The following CLCC1 variants were observed in gnomAD, a reference collection of about 807,000 sequenced individuals.
CLCC1 encodes chloride channel CLIC like 1, also known as chloride channel CLIC-like protein 1.
CLCC1 carries 39 observed loss-of-function variants against 63.3 expected under a neutral mutation model. That is an observed-to-expected ratio of 0.62 (90% CI 0.48 to 0.81). CLCC1 has a LOEUF of 0.81. Ranked by LOEUF, CLCC1 falls within the 30% of genes least tolerant of loss-of-function variation. CLCC1 has a pLI of 0.00. For missense variants in CLCC1, 549 were observed against 669.4 expected (o/e 0.82, Z 1.98); for synonymous variants, 217 against 239.8 (o/e 0.90, Z 0.88).
chr1:108,935,092 A>ATGTT (rs1652691214), intron 11 of CLCC1, 150 bp from the exon 12 acceptor site: 1 of 743,588 alleles, frequency 1.3e-6, no homozygotes, highest in African/African-American at 1.8e-5. Flanking sequence ...AATTATATAA[A>ATGTT]TGTTATTATA....
intron 11 of CLCC1, among the ~76,000 whole-genome samples, chr1:108,935,631 T>A (rs1484156791): frequency 2.0e-5 from 3 of 152,066 alleles, no homozygotes; most frequent in African/African-American, 7.2e-5. Context: ...CCAGGCATGG[T>A]CGTATATGCC....
intron 12 of CLCC1, chr1:108,934,246 A>G: frequency 5.9e-6 from 1 of 170,934 alleles, no homozygotes; most frequent in South Asian, 1.5e-4. Context: ...CTGCATGAAG[A>G]TGCTGGAGGC....
At chr1:108,936,162 G>C (rs1056710345) in intron 11 of CLCC1, among the ~76,000 whole-genome samples, 1 of 137,528 alleles carries the variant, frequency 7.3e-6, no homozygotes, top group Non-Finnish European at 1.5e-5. Context: ...GCACGATCTC[G>C]GCTCACTGCA....
intron 3 of CLCC1, 33 bp from the exon 4 acceptor site, chr1:108,949,954 T>C (rs2101682936): frequency 7.6e-7 from 1 of 1,311,316 alleles, no homozygotes; most frequent in South Asian, 1.3e-5. Flanking sequence ...TTTATTTCTT[T>C]ATAGTTTAGT....
chr1:108,943,193 C>T (rs1654072282), intron 7 of CLCC1, among the ~76,000 whole-genome samples: 1 of 152,202 alleles, frequency 6.6e-6, no homozygotes, highest in African/African-American at 2.4e-5. Context: ...CAGGCATGAG[C>T]CACCACACCC....
At position 108,937,311 on chromosome 1, in the gene CLCC1, C is replaced by T; in HGVS notation, c.1149G>A (p.Glu383=). ...ALRPRDRRRQ[E]EIDYRPDGGA... ...CACCATCAGGTCTATAATCAATTTC[C>T]TCCTGCCGTCTTCTATCCCGTGGCC... The change falls in exon 11 of 13, where the codon GAG becomes GAA. Residue 383 remains glutamate (E), a synonymous_variant. Coordinates refer to ENST00000369969, the MANE Select transcript of CLCC1 (RefSeq NM_001377458.1). 6.2e-7 allele frequency: 1 copy of T among 1,614,224 alleles called. No individual in the cohort carries two copies. Among genetic ancestry groups the T allele is most frequent in the African/African-American group, 1.3e-5 (1 of 75,060 alleles).
rs573088693 is a variant in CLCC1, at chr1:108,934,652, G to A, written c.*18C>T. The A allele has an allele frequency of 1.2e-5, 19 of 1,606,774 alleles. No individual in the cohort carries two copies. Among genetic ancestry groups the A allele is most frequent in the African/African-American group, 2.7e-5 (2 of 74,902 alleles). On this transcript the variant is annotated 3_prime_UTR_variant, in exon 12 of 13. Transcript: ENST00000369969. ...AGCTCGAAGGAGACTTGAGGCTGTCGTTTGTGCTGGTGTTCCTCTAGCCAC... is the reference window on the plus strand; with the variant it reads ...AGCTCGAAGGAGACTTGAGGCTGTCATTTGTGCTGGTGTTCCTCTAGCCAC...
intron 4 of CLCC1, among the ~76,000 whole-genome samples, chr1:108,948,557 G>A (rs1032036828): frequency 2.6e-5 from 4 of 151,910 alleles, no homozygotes; most frequent in Non-Finnish European, 5.9e-5. Flanking sequence ...ACACTGAGCA[G>A]AGAAGGAAAT....
chr1:108,963,239 GC>G, intron 1 of CLCC1, 121 bp downstream of exon 1: 2 of 602,224 alleles, frequency 3.3e-6, no homozygotes, highest in Non-Finnish European at 6.0e-6. Context: ...CACGGTCCCC[GC>G]CCCGGGTCGC....
rs1195388922 is a variant in CLCC1, at chr1:108,963,438, C to G, written c.-250G>C. The G allele has an allele frequency of 1.0e-5, 7 of 702,334 alleles. No individual in the cohort carries two copies. The highest frequency in any genetic ancestry group is 1.8e-5 in the Non-Finnish European group (7 of 384,872). The allele number at this position is 702,334 out of a possible 1,614,324, so 43.5% of individuals were successfully genotyped here. ...CAGAAGAGGTCGCACAGCTTGCCGC[C>G]GCCCAGGGTTTCAGCGTGCTTCCTG... is the stretch of plus-strand genomic sequence containing the variant. On this transcript the variant is annotated 5_prime_UTR_variant, in exon 1 of 13. Transcript: ENST00000369969.
chr1:108,950,536 T>TTA (rs1557897902), intron 2 of CLCC1, 88 bp from the exon 3 acceptor site: 7 of 578,694 alleles, frequency 1.2e-5, no homozygotes, highest in Admixed American at 9.9e-5. Context: ...TATTATTATT[T>TTA]TTAGAGACAG....
At chr1:108,959,558 T>C (rs938313695) in intron 2 of CLCC1, among the ~76,000 whole-genome samples, 1 of 152,248 alleles carries the variant, frequency 6.6e-6, no homozygotes, top group African/African-American at 2.4e-5. Flanking sequence ...TCTATTTTAT[T>C]AGTTATTGCT....
At chr1:108,944,932 C>G (rs1487154182) in intron 5 of CLCC1, among the ~76,000 whole-genome samples, 3 of 152,088 alleles carry the variant, frequency 2.0e-5, no homozygotes, top group Non-Finnish European at 4.4e-5. Context: ...CCCGGCCTCA[C>G]AGTAGTTATC....
At position 108,937,206 on chromosome 1, in the gene CLCC1, A is replaced by G. The variant is rs1183153587; in HGVS notation, c.1254T>C (p.Gly418=). ...CTCTCTCTCTCAAAATCTCTCTTCT[A>G]CCCTCATACGTTTTGGCATAAGGGC... ...EQGPYAKTYE[G]RREILRERDV... The change falls in exon 11 of 13, where the codon GGT becomes GGC. Residue 418 remains glycine (G), a synonymous_variant. Transcript: ENST00000369969. The G allele has an allele frequency of 1.9e-6, 3 of 1,611,690 alleles. No homozygotes were observed. The highest frequency in any genetic ancestry group is 1.7e-6 in the Non-Finnish European group (2 of 1,179,164).
At chr1:108,943,357 C>T (rs1468042483) in intron 7 of CLCC1, 118 bp downstream of exon 7, 9 of 961,196 alleles carry the variant, frequency 9.4e-6, no homozygotes, top group East Asian at 2.4e-5. Flanking sequence ...CAGCGTGGGC[C>T]ACCTCTAATC....
chr1:108,954,972 T>C (rs28491009), intron 2 of CLCC1, among the ~76,000 whole-genome samples: 2,361 of 151,210 alleles, frequency 0.016, 179 homozygotes, highest in African/African-American at 0.056. Context: ...GCTGGGATTA[T>C]AGGCATGTGC....
At chr1:108,956,904 G>GCGGGGAGGCGGGGAGGCGGGGAGT (rs1655983430) in intron 2 of CLCC1, among the ~76,000 whole-genome samples, 1 of 148,738 alleles carries the variant, frequency 6.7e-6, no homozygotes, top group African/African-American at 2.6e-5. Flanking sequence ...AGGCGGGGAG[G>GCGGGGAGGCGGGGAGGCGGGGAGT]CGGGGAGGGA....
intron 12 of CLCC1, chr1:108,932,867 A>AAAG (rs1652247643): frequency 6.6e-6 from 1 of 152,258 alleles, no homozygotes; most frequent in Non-Finnish European, 1.5e-5. Context: ...ATGAAATTCT[A>AAAG]AAGATGTTTG....
chr1:108,949,052 T>TATCCCCC (rs1654880056), intron 4 of CLCC1, among the ~76,000 whole-genome samples: 1 of 152,192 alleles, frequency 6.6e-6, no homozygotes, highest in Admixed American at 6.5e-5. Context: ...CCCTATCCCT[T>TATCCCCC]ATCCCCCCTA....
Sources: gnomAD v4.1 joint callset for allele counts (sites outside exome capture counted in the v4.1 genomes callset) on GRCh38, gnomAD v4.1.1 for gene constraint, MANE v1.5 for transcripts, NCBI Gene and HGNC (gene_info 2026-07-23, HGNC 2026-07-21) for gene names.